The following FBLN1 variants were observed in gnomAD, a reference collection of about 807,000 sequenced individuals.
FBLN1 encodes fibulin-1.
Under a neutral mutation model 89.7 loss-of-function variants are expected in FBLN1, and 34 were observed. The ratio of observed to expected loss-of-function variants is 0.38; its 90% CI spans 0.29 to 0.50. FBLN1 has a LOEUF of 0.50. Ranked by LOEUF, FBLN1 falls within the 20% of genes least tolerant of loss-of-function variation. FBLN1 has a pLI of 0.92. For synonymous variants in FBLN1, 393 were observed against 391.3 expected (o/e 1.00, Z -0.05); for missense variants, 777 against 988.1 (o/e 0.79, Z 2.86).
chr22:45,530,807 A>C lies in FBLN1; in HGVS notation c.485-458A>C, dbSNP rs1459357112. Reference sequence around the variant, plus strand: ...AAACGGAGTCTCGCTCTTGTTGCCCAGGCTGGAGTGCAATGGTGTGATCTT... The same window carrying C: ...AAACGGAGTCTCGCTCTTGTTGCCCCGGCTGGAGTGCAATGGTGTGATCTT... On this transcript the variant is annotated intron_variant, in intron 4 of 16. Coordinates refer to ENST00000327858, the MANE Select transcript of FBLN1 (RefSeq NM_006486.3). This position sits in a 1 kb window ranked among gnomAD's most constrained non-coding sequence, Gnocchi z 5.4. Among the ~76,000 whole-genome samples the C allele has an allele frequency of 6.6e-6, 1 of 151,926 alleles. No individual in the cohort carries two copies. The highest frequency in any genetic ancestry group is 2.4e-5 in the African/African-American group (1 of 41,352).
intron 2 of FBLN1, among the ~76,000 whole-genome samples, chr22:45,520,702 G>A (rs2088238522): frequency 6.6e-6 from 1 of 152,244 alleles, no homozygotes; most frequent in Non-Finnish European, 1.5e-5. Flanking sequence ...CAGAGGAACT[G>A]AGGCCGCAGA....
chr22:45,584,109 C>T (rs2089065007), intron 16 of FBLN1, among the ~76,000 whole-genome samples: 1 of 152,154 alleles, frequency 6.6e-6, no homozygotes, highest in Non-Finnish European at 1.5e-5. Context: ...AACTGGAACC[C>T]GCAGCAAGGG....
intron 16 of FBLN1, among the ~76,000 whole-genome samples, chr22:45,585,497 A>G (rs1272813574): frequency 6.6e-6 from 1 of 152,242 alleles, no homozygotes; most frequent in Non-Finnish European, 1.5e-5. Context: ...TAAAAACAAC[A>G]GCGCGGCCGT....
intron 1 of FBLN1, among the ~76,000 whole-genome samples, chr22:45,507,535 T>C (rs2088038593): frequency 6.6e-6 from 1 of 152,120 alleles, no homozygotes; most frequent in Non-Finnish European, 1.5e-5. Flanking sequence ...TTATTTTTTA[T>C]TATTATTTTT....
intron 2 of FBLN1, among the ~76,000 whole-genome samples, chr22:45,520,889 C>T (rs1472819544): frequency 1.3e-5 from 2 of 152,130 alleles, no homozygotes; most frequent in Non-Finnish European, 2.9e-5. Flanking sequence ...GATCTTGGCT[C>T]ACTGCAACCT....
chr22:45,559,664 C>T (rs2088828880), intron 14 of FBLN1, among the ~76,000 whole-genome samples: 2 of 152,182 alleles, frequency 1.3e-5, no homozygotes, highest in Admixed American at 1.3e-4. Flanking sequence ...AATTACCTGA[C>T]CTCCTTAAGC....
intron 14 of FBLN1, among the ~76,000 whole-genome samples, chr22:45,569,379 G>A (rs1372108552): frequency 4.6e-5 from 7 of 152,158 alleles, no homozygotes; most frequent in Non-Finnish European, 7.3e-5. Flanking sequence ...GGTGGCTCAC[G>A]CCTGTAATCC....
intron 1 of FBLN1, among the ~76,000 whole-genome samples, chr22:45,512,107 G>A (rs558612647): frequency 2.0e-5 from 3 of 151,772 alleles, no homozygotes; most frequent in Non-Finnish European, 4.4e-5. Context: ...CTGCTTGGGT[G>A]GGTGTCCAGT....
chr22:45,509,128 C>T (rs954961980), intron 1 of FBLN1, among the ~76,000 whole-genome samples: 1 of 152,036 alleles, frequency 6.6e-6, no homozygotes, highest in Non-Finnish European at 1.5e-5. Context: ...ATGCCAGGTG[C>T]AGAGGATGCA....
At chr22:45,573,696 A>C (rs949358718) in intron 14 of FBLN1, among the ~76,000 whole-genome samples, 1 of 149,762 alleles carries the variant, frequency 6.7e-6, no homozygotes, top group Non-Finnish European at 1.5e-5. Flanking sequence ...AAAAAAAAAA[A>C]AAAAACCCAA....
At chr22:45,509,232 A>C (rs937193391) in intron 1 of FBLN1, among the ~76,000 whole-genome samples, 2 of 152,094 alleles carry the variant, frequency 1.3e-5, no homozygotes, top group African/African-American at 4.8e-5. Flanking sequence ...TTGCAGAAGG[A>C]TGAGGATGCC....
chr22:45,528,972 A>G (rs2088367791), intron 4 of FBLN1, among the ~76,000 whole-genome samples: 1 of 152,180 alleles, frequency 6.6e-6, no homozygotes, highest in South Asian at 2.1e-4. Context: ...GTCCTACTTC[A>G]TCAGGTGCTG....
chr22:45,595,257 T>C (rs1299613202), intron 16 of FBLN1, among the ~76,000 whole-genome samples: 1 of 151,932 alleles, frequency 6.6e-6, no homozygotes, highest in African/African-American at 2.4e-5. Flanking sequence ...GGAGATGCAG[T>C]GTGGACTTCA....
intron 1 of FBLN1, among the ~76,000 whole-genome samples, chr22:45,513,521 AC>A (rs1414680719): frequency 6.6e-6 from 1 of 151,412 alleles, no homozygotes; most frequent in Non-Finnish European, 1.5e-5. Context: ...GCCCATTTTA[AC>A]CATTTCTAAG....
At position 45,583,147 on chromosome 22, in the gene FBLN1, A is replaced by T. The variant is rs1215625113; in HGVS notation, c.1972+6039A>T. On this transcript the variant is annotated intron_variant, in intron 16 of 16. Transcript: ENST00000327858. The surrounding 1 kb of genome is among the most constrained non-coding windows in gnomAD (Gnocchi z 4.5). ...AAGAAAAAAAAGGAAGTGCTGGCCC[A>T]GGGTCCCACAGCCAGCAAGTTGGAG... Among the ~76,000 whole-genome samples, 1 of 152,190 alleles carries T rather than the reference A, an allele frequency of 6.6e-6. No individual in the cohort carries two copies. Among genetic ancestry groups the T allele is most frequent in the African/African-American group, 2.4e-5 (1 of 41,444 alleles).
In FBLN1 at chr22:45,578,364, C is replaced by T. The variant is rs1224641373; in HGVS notation, c.1972+1256C>T. The T allele has an allele frequency of 2.0e-5, 3 of 152,206 alleles. No homozygotes were observed. Among genetic ancestry groups the T allele is most frequent in the Non-Finnish European group, 2.9e-5 (2 of 68,042 alleles). The allele number at this position is 152,206 out of a possible 1,614,324, so 9.4% of individuals were successfully genotyped here. A position where few individuals can be genotyped will look rare whatever the true frequency, so the allele number is the denominator to read the frequency against. ...AACATGACTGAGTCACTGGGGGGCTCCCCACCCCAGCCTCCTCCTGCGCTA... is the reference window on the plus strand; with the variant it reads ...AACATGACTGAGTCACTGGGGGGCTTCCCACCCCAGCCTCCTCCTGCGCTA... On this transcript the variant is annotated intron_variant, in intron 16 of 16. Transcript: ENST00000327858. The surrounding 1 kb of genome is among the most constrained non-coding windows in gnomAD (Gnocchi z 4.6).
At chr22:45,513,182 C>T (rs28665211) in intron 1 of FBLN1, among the ~76,000 whole-genome samples, 7 of 152,212 alleles carry the variant, frequency 4.6e-5, no homozygotes, top group South Asian at 4.1e-4. Flanking sequence ...GGCAAAGCAT[C>T]GATTGCTTTC....
chr22:45,522,919 C>T (rs1192066133), intron 2 of FBLN1, among the ~76,000 whole-genome samples: 1 of 152,170 alleles, frequency 6.6e-6, no homozygotes, highest in East Asian at 1.9e-4. Flanking sequence ...GGGGATCAAT[C>T]GGTGAACGAA....
At chr22:45,547,332 C>T (rs2088643466) in intron 12 of FBLN1, 128 bp downstream of exon 12, 3 of 1,215,340 alleles carry the variant, frequency 2.5e-6, no homozygotes, top group Admixed American at 1.9e-5. Context: ...GACAAACCTT[C>T]CATGTCCACC....
Sources: allele counts gnomAD v4.1 joint callset (sites outside exome capture counted in the v4.1 genomes callset), GRCh38; gene constraint gnomAD v4.1.1; non-coding constraint Gnocchi (gnomAD v3.1); transcripts MANE v1.5; gene names NCBI Gene and HGNC (gene_info 2026-07-23, HGNC 2026-07-21).